The following MNAT1 variants were observed in gnomAD, a reference collection of about 807,000 sequenced individuals.
MNAT1 encodes CDK-activating kinase assembly factor MAT1.
MNAT1 carries 43 observed loss-of-function variants against 42.0 expected under a neutral mutation model. That is an observed-to-expected ratio of 1.02 (90% confidence interval 0.80 to 1.32). The LOEUF (loss-of-function observed/expected upper bound fraction) is 1.32, where lower values mean the gene tolerates loss of function less well. Ranked by LOEUF, MNAT1 falls within the 40% of genes most tolerant of loss-of-function variation. The probability of loss-of-function intolerance (pLI) is 0.00; values close to 1 mark genes in which losing one functional copy is unlikely to be tolerated. For missense variants in MNAT1, 306 were observed against 350.4 expected, an observed-to-expected ratio of 0.87 and a Z score of 1.01; for synonymous variants, 118 against 120.0, an observed-to-expected ratio of 0.98 and a Z score of 0.11.
chr14:60,792,067 C>G (rs2031841358), intron 1 of MNAT1, among the ~76,000 whole-genome samples: 1 of 152,136 alleles, frequency 6.6e-6, no homozygotes, highest in East Asian at 1.9e-4. Context: ...TTCCAAGTAG[C>G]TAATTTGTAA....
intron 5 of MNAT1, among the ~76,000 whole-genome samples, chr14:60,815,353 T>C (rs550161926): frequency 1.3e-5 from 2 of 152,196 alleles, no homozygotes; most frequent in African/African-American, 4.8e-5. Flanking sequence ...TAGCTAGGAT[T>C]ACAGGTGCCT....
chr14:60,780,744 C>T, intron 1 of MNAT1: 1 of 568,270 alleles, frequency 1.8e-6, no homozygotes, highest in African/African-American at 1.9e-5. Context: ...GTAATTGTTC[C>T]TTTTGTTTTT....
chr14:60,951,266 C>CTTTTTTTTTTTTTT (rs33970682), intron 7 of MNAT1, among the ~76,000 whole-genome samples: 5 of 87,888 alleles, frequency 5.7e-5, no homozygotes, highest in African/African-American at 8.8e-5. Context: ...CTTCCCCTCC[C>CTTTTTTTTTTTTTT]TTTTTTTTTT....
intron 6 of MNAT1, among the ~76,000 whole-genome samples, chr14:60,840,955 G>A (rs553237890): frequency 6.6e-6 from 1 of 152,098 alleles, no homozygotes; most frequent in Non-Finnish European, 1.5e-5. Flanking sequence ...ATGAGCCACC[G>A]CACTTGGCCC....
intron 7 of MNAT1, among the ~76,000 whole-genome samples, chr14:60,929,509 A>G (rs1365936840): frequency 6.6e-6 from 1 of 152,040 alleles, no homozygotes; most frequent in Non-Finnish European, 1.5e-5. Context: ...GCACAGAGAT[A>G]CCCAATGGTC....
At chr14:60,947,855 A>G (rs752546976) in intron 7 of MNAT1, among the ~76,000 whole-genome samples, 5 of 152,076 alleles carry the variant, frequency 3.3e-5, no homozygotes, top group Non-Finnish European at 5.9e-5. Context: ...ACTTCTAACT[A>G]TTGTTTTAGT....
intron 7 of MNAT1, among the ~76,000 whole-genome samples, chr14:60,929,148 CAAAA>C (rs550828218): frequency 0.03 from 1,662 of 56,038 alleles, 27 homozygotes; most frequent in African/African-American, 0.045. Flanking sequence ...CTCCATCTCC[CAAAA>C]AAAAAAAAAA....
intron 1 of MNAT1, among the ~76,000 whole-genome samples, chr14:60,782,413 AT>A (rs545191084): frequency 6.6e-6 from 1 of 151,626 alleles, no homozygotes; most frequent in Admixed American, 6.6e-5. Flanking sequence ...TGATACCTTT[AT>A]TTTTTTTGTG....
At chr14:60,894,147 C>T (rs2034902187) in intron 7 of MNAT1, among the ~76,000 whole-genome samples, 1 of 152,054 alleles carries the variant, frequency 6.6e-6, no homozygotes, top group African/African-American at 2.4e-5. Flanking sequence ...GAGTTGGTTT[C>T]CTGCCTTTCC....
intron 2 of MNAT1, among the ~76,000 whole-genome samples, chr14:60,797,744 G>A (rs749146594): frequency 6.6e-6 from 1 of 152,038 alleles, no homozygotes; most frequent in Non-Finnish European, 1.5e-5. Context: ...TGGCCAACAT[G>A]GTGAAGTCCC....
chr14:60,961,495 C>T (rs1269679833), intron 7 of MNAT1, among the ~76,000 whole-genome samples: 2 of 152,118 alleles, frequency 1.3e-5, no homozygotes, highest in African/African-American at 4.8e-5. Context: ...CCTTGCCTTC[C>T]TAGCTAATTT....
At chr14:60,779,940 G>C (rs938184275) in intron 1 of MNAT1, 8 of 1,348,718 alleles carry the variant, frequency 5.9e-6, no homozygotes, top group African/African-American at 1.4e-5. Flanking sequence ...GTGAAAGCGC[G>C]TGCCTTTGTT....
chr14:60,890,597 G>A (rs1275890903), intron 7 of MNAT1, among the ~76,000 whole-genome samples: 2 of 152,210 alleles, frequency 1.3e-5, no homozygotes, highest in African/African-American at 4.8e-5. Flanking sequence ...CGACAGAGCA[G>A]CCTTCAGTCT....
chr14:60,838,330 A>T (rs948866281), intron 6 of MNAT1, among the ~76,000 whole-genome samples: 1 of 151,442 alleles, frequency 6.6e-6, no homozygotes, highest in Non-Finnish European at 1.5e-5. Context: ...GAGAGACAGG[A>T]TCTCCTTATG....
chr14:60,750,713 C>T lies in MNAT1; in HGVS notation c.89+15762C>T, dbSNP rs562072339. 6.6e-5 allele frequency among the ~76,000 whole-genome samples: 10 copies of T among 152,090 alleles called. No individual in the cohort carries two copies. In the East Asian group the frequency reaches 1.7e-3, roughly 26 times the overall value. Reference sequence around the variant, plus strand: ...TTGCAGCCTGATTTTAGCTGTTCTGCTGATTTAGGAAAAGGTCCTTTGGGG... The same window carrying T: ...TTGCAGCCTGATTTTAGCTGTTCTGTTGATTTAGGAAAAGGTCCTTTGGGG... On this transcript the variant is annotated intron_variant, in intron 1 of 7. Transcript: ENST00000261245.
At chr14:60,837,997 A>G (rs1413659658) in intron 6 of MNAT1, among the ~76,000 whole-genome samples, 13 of 152,186 alleles carry the variant, frequency 8.5e-5, no homozygotes, top group Admixed American at 8.5e-4. Context: ...AGGAATCTCT[A>G]GTAATGCTTC....
At chr14:60,890,100 G>A (rs961180875) in intron 7 of MNAT1, among the ~76,000 whole-genome samples, 1 of 152,058 alleles carries the variant, frequency 6.6e-6, no homozygotes, top group African/African-American at 2.4e-5. Flanking sequence ...CCCATTACTG[G>A]GTATATACCC....
At chr14:60,922,337 A>G (rs1473770329) in intron 7 of MNAT1, among the ~76,000 whole-genome samples, 1 of 152,166 alleles carries the variant, frequency 6.6e-6, no homozygotes, top group Non-Finnish European at 1.5e-5. Flanking sequence ...ATAGGAGAAT[A>G]GCAGGTGTGC....
Position 60,734,765 on chromosome 14 carries a change from G to A in MNAT1, c.-98G>A. On this transcript the variant is annotated 5_prime_UTR_variant, in exon 1 of 8. Transcript: ENST00000261245. The surrounding 1 kb of genome is among the most constrained non-coding windows in gnomAD (Gnocchi z 4.3). ...CGCGAAGGGACCGTCTCTGCCAAGCGCCTGTTGGTAGGAACCTGCTTGGTC... is the reference window on the plus strand; with the variant it reads ...CGCGAAGGGACCGTCTCTGCCAAGCACCTGTTGGTAGGAACCTGCTTGGTC... 9.5e-7 allele frequency: 1 copy of A among 1,058,116 alleles called. No individual in the cohort carries two copies. Among genetic ancestry groups the A allele is most frequent in the Non-Finnish European group, 1.4e-6 (1 of 692,894 alleles). The allele number at this position is 1,058,116 out of a possible 1,614,324, so 65.5% of individuals were successfully genotyped here.
Sources: gnomAD v4.1 joint callset for allele counts (sites outside exome capture counted in the v4.1 genomes callset) on GRCh38, gnomAD v4.1.1 for gene constraint, Gnocchi (gnomAD v3.1) non-coding constraint, MANE v1.5 for transcripts, NCBI Gene and HGNC (gene_info 2026-07-23, HGNC 2026-07-21) for gene names.